LRFN5: variants seen among roughly 807,000 people sequenced by gnomAD.
The protein encoded by LRFN5 is leucine-rich repeat and fibronectin type-III domain-containing protein 5.
A neutral mutation model predicts 45.6 loss-of-function variants in LRFN5; 24 were observed. The ratio of observed to expected loss-of-function variants is 0.53; its 90% CI spans 0.38 to 0.74. The LOEUF (loss-of-function observed/expected upper bound fraction) is 0.74. Ranked by LOEUF, LRFN5 falls within the 30% of genes least tolerant of loss-of-function variation. The probability of loss-of-function intolerance (pLI) is 0.00; values close to 1 mark genes in which losing one functional copy is unlikely to be tolerated. For missense variants in LRFN5, 776 were observed against 861.5 expected, an observed-to-expected ratio of 0.90 and a Z score of 1.24; for synonymous variants, 340 against 313.8, an observed-to-expected ratio of 1.08 and a Z score of -0.88.
At chr14:41,640,426 CCT>C (rs1184678393) in intron 1 of LRFN5, among the ~76,000 whole-genome samples, 2 of 151,996 alleles carry the variant, frequency 1.3e-5, no homozygotes, top group Non-Finnish European at 2.9e-5. Flanking sequence ...GGAAGGCAAA[CCT>C]AATTTTGAAT....
intron 2 of LRFN5, among the ~76,000 whole-genome samples, chr14:41,841,332 G>A (rs892351304): frequency 5.3e-5 from 8 of 151,996 alleles, no homozygotes; most frequent in Middle Eastern, 6.8e-3. Context: ...GGCTTCACTG[G>A]ATGGAAATAG....
chr14:41,626,961 A>G (rs147784045), intron 1 of LRFN5, among the ~76,000 whole-genome samples: 1 of 152,252 alleles, frequency 6.6e-6, no homozygotes, highest in East Asian at 1.9e-4. Context: ...TGTCATATTT[A>G]ACAGAAATAT....
chr14:41,618,557 G>C (rs139386658), intron 1 of LRFN5, among the ~76,000 whole-genome samples: 67 of 152,292 alleles, frequency 4.4e-4, no homozygotes, highest in African/African-American at 1.5e-3. Flanking sequence ...CAAACCTCCA[G>C]ATAATTATAG....
At chr14:41,830,528 T>C (rs1247490820) in intron 2 of LRFN5, among the ~76,000 whole-genome samples, 1 of 152,198 alleles carries the variant, frequency 6.6e-6, no homozygotes, top group Admixed American at 6.6e-5. Context: ...TACACCCTTC[T>C]ATATCAGTCA....
intron 2 of LRFN5, among the ~76,000 whole-genome samples, chr14:41,843,685 A>G (rs1285231376): frequency 1.3e-5 from 2 of 152,272 alleles, no homozygotes; most frequent in Non-Finnish European, 2.9e-5. Context: ...CTTTTTACTA[A>G]TAAATTGTAC....
At chr14:41,866,938 A>C (rs1889860912) in intron 2 of LRFN5, among the ~76,000 whole-genome samples, 1 of 152,098 alleles carries the variant, frequency 6.6e-6, no homozygotes, top group African/African-American at 2.4e-5. Flanking sequence ...ATTGGATCAT[A>C]TTATTATATG....
intron 1 of LRFN5, among the ~76,000 whole-genome samples, chr14:41,673,025 G>GTTAT (rs200316442): frequency 7.5e-4 from 113 of 151,574 alleles, no homozygotes; most frequent in Middle Eastern, 6.9e-3. Context: ...TTATGATTTT[G>GTTAT]TTATTTATTT....
chr14:41,738,108 A>G (rs1469074836), intron 1 of LRFN5, among the ~76,000 whole-genome samples: 2 of 152,222 alleles, frequency 1.3e-5, no homozygotes. Flanking sequence ...CTACAAGGCT[A>G]CAGTAACCAA....
chr14:41,828,082 G>A (rs555823255), intron 2 of LRFN5, among the ~76,000 whole-genome samples: 1 of 152,128 alleles, frequency 6.6e-6, no homozygotes, highest in Non-Finnish European at 1.5e-5. Context: ...TGAAACTGAA[G>A]TAAGTTAAAG....
chr14:41,845,553 C>T (rs535387057), intron 2 of LRFN5, among the ~76,000 whole-genome samples: 1 of 152,178 alleles, frequency 6.6e-6, no homozygotes, highest in East Asian at 1.9e-4. Context: ...CAGTAGTCTA[C>T]ATCTCCTTGG....
In LRFN5 at chr14:41,887,773, G is replaced by A; in HGVS notation, c.1148G>A (p.Ser383Asn). The change falls in exon 3 of 6, where the codon AGT becomes AAT. Residue 383 changes from serine (S) to asparagine (N), a missense_variant. By Grantham distance (46) the Ser-to-Asn change is conservative. Transcript: ENST00000298119. The surrounding 1 kb of genome is among the most constrained non-coding windows in gnomAD (Gnocchi z 4.8). ...ATTAAGCTCCCTCACTTACTAAATA[G>A]TACAAACCATATCCATGAGCCTGAT... ...HIIKLPHLLN[S>N]TNHIHEPDPG... 1 of 1,613,882 alleles carries A rather than the reference G, an allele frequency of 6.2e-7. No homozygotes were observed. Among genetic ancestry groups the A allele is most frequent in the Non-Finnish European group, 8.5e-7 (1 of 1,180,012 alleles).
At chr14:41,844,241 T>C (rs773929776) in intron 2 of LRFN5, among the ~76,000 whole-genome samples, 1 of 151,896 alleles carries the variant, frequency 6.6e-6, no homozygotes, top group African/African-American at 2.4e-5. Flanking sequence ...ATCGAGACCA[T>C]CCTGGCTAAC....
intron 2 of LRFN5, among the ~76,000 whole-genome samples, chr14:41,805,048 C>A (rs1020028801): frequency 6.6e-6 from 1 of 151,810 alleles, no homozygotes; most frequent in African/African-American, 2.4e-5. Context: ...CAATGTGAAT[C>A]AAAAAGCAGA....
At chr14:41,635,612 A>G (rs1177942253) in intron 1 of LRFN5, among the ~76,000 whole-genome samples, 2 of 152,136 alleles carry the variant, frequency 1.3e-5, no homozygotes, top group Non-Finnish European at 2.9e-5. Flanking sequence ...AAAATATCAC[A>G]GAGAAGGAGG....
At chr14:41,811,553 A>T (rs1417685993) in intron 2 of LRFN5, among the ~76,000 whole-genome samples, 1 of 152,122 alleles carries the variant, frequency 6.6e-6, no homozygotes, top group Admixed American at 6.6e-5. Flanking sequence ...CCATAAATAA[A>T]CATGGTATAT....
intron 2 of LRFN5, among the ~76,000 whole-genome samples, chr14:41,853,326 C>T (rs1198649614): frequency 1.3e-5 from 2 of 151,874 alleles, no homozygotes; most frequent in Non-Finnish European, 2.9e-5. Context: ...TTGTAGACAA[C>T]AAAGATACCA....
chr14:41,711,200 A>T (rs1327584239), intron 1 of LRFN5, among the ~76,000 whole-genome samples: 2 of 152,226 alleles, frequency 1.3e-5, no homozygotes, highest in East Asian at 3.9e-4. Context: ...ACACCCACAC[A>T]CATACGCACA....
At chr14:41,773,259 C>G (rs1025718636) in intron 2 of LRFN5, among the ~76,000 whole-genome samples, 1 of 152,152 alleles carries the variant, frequency 6.6e-6, no homozygotes, top group African/African-American at 2.4e-5. Context: ...GACTGTTTCT[C>G]CCTGAGCAGC....
At chr14:41,695,915 G>A (rs1174473241) in intron 1 of LRFN5, among the ~76,000 whole-genome samples, 3 of 151,848 alleles carry the variant, frequency 2.0e-5, no homozygotes, top group Non-Finnish European at 4.4e-5. Flanking sequence ...GACTGTTGCT[G>A]CCATTGATAG....
Sources: allele counts gnomAD v4.1 joint callset (sites outside exome capture counted in the v4.1 genomes callset), GRCh38; gene constraint gnomAD v4.1.1; non-coding constraint Gnocchi (gnomAD v3.1); transcripts MANE v1.5; gene names NCBI Gene and HGNC (gene_info 2026-07-23, HGNC 2026-07-21).